AADAT: variants seen among roughly 807,000 people sequenced by gnomAD.
The protein encoded by AADAT is kynurenine/alpha-aminoadipate aminotransferase, mitochondrial.
A neutral mutation model predicts 56.2 loss-of-function variants in AADAT; 25 were observed. The observed-to-expected ratio is 0.44, with a 90% CI of 0.32 to 0.62. The LOEUF (loss-of-function observed/expected upper bound fraction) is 0.62. Ranked by LOEUF, AADAT falls within the 20% of genes least tolerant of loss-of-function variation. The pLI is 0.04. For synonymous variants in AADAT, 173 were observed against 164.7 expected (o/e 1.05, Z -0.39); for missense variants, 387 against 510.5 (o/e 0.76, Z 2.33).
At position 170,067,482 on chromosome 4, in the gene AADAT, A is replaced by G; in HGVS notation, c.901-94T>C. The G allele has an allele frequency of 3.3e-6, 3 of 905,922 alleles. No homozygotes were observed. In the South Asian group the frequency reaches 4.5e-5, roughly 14 times the overall value. The allele number at this position is 905,922 out of a possible 1,614,324, so 56.1% of individuals were successfully genotyped here. ...GCAACTCACTTTTGATTACATGTAA[A>G]CCACAATAAGATATAACAAGCTGAG... On this transcript the variant is annotated intron_variant, in intron 8 of 12. Coordinates refer to ENST00000337664, the MANE Select transcript of AADAT (RefSeq NM_016228.4).
At position 170,061,872 on chromosome 4, in the gene AADAT, G is replaced by T. The variant is rs1273300571; in HGVS notation, c.1236+20C>A. 4 of 1,566,886 alleles carry T rather than the reference G, an allele frequency of 2.6e-6. No individual in the cohort carries two copies. The highest frequency in any genetic ancestry group is 3.5e-6 in the Non-Finnish European group (4 of 1,143,614). ...CAGAACTGCTAGCTAGTGTTACTCT[G>T]AGGAGAATACTACACTCACCACATC... On this transcript the variant is annotated intron_variant, in intron 12 of 12. Coordinates refer to ENST00000337664, the MANE Select transcript of AADAT (RefSeq NM_016228.4).
chr4:170,087,231 G>A lies in AADAT; in HGVS notation c.254C>T (p.Ser85Phe), dbSNP rs1362163974. 1 of 1,611,568 alleles carries A rather than the reference G, an allele frequency of 6.2e-7. No individual in the cohort carries two copies. The highest frequency in any genetic ancestry group is 1.1e-5 in the South Asian group (1 of 90,074). The change falls in exon 3 of 13, where the codon TCC (serine) becomes TTC (phenylalanine). Residue 85 changes from serine (S) to phenylalanine (F), a missense_variant. Physicochemically the swap from Ser to Phe is radical, Grantham distance 155. Transcript: ENST00000337664. The part of the protein sequence containing the change: ...SPSAGIPELL[S>F]WLKQLQIKLH... ...TTTTATTTGTAACTGTTTTAGCCAG[G>A]ACAAAAGCTCTGGAATTCTAAAGCA...
At chr4:170,088,058 A>C (rs1350723888) in intron 2 of AADAT, among the ~76,000 whole-genome samples, 3 of 151,006 alleles carry the variant, frequency 2.0e-5, no homozygotes, top group Non-Finnish European at 3.0e-5. Context: ...ACATCTTCTC[A>C]TTTTTTTGGA....
At chr4:170,087,610 A>G (rs139708453) in intron 2 of AADAT, among the ~76,000 whole-genome samples, 9 of 152,298 alleles carry the variant, frequency 5.9e-5, no homozygotes, top group Non-Finnish European at 1.0e-4. Flanking sequence ...TTCAGACTCA[A>G]TAAGTTGTTT....
intron 3 of AADAT, among the ~76,000 whole-genome samples, chr4:170,081,970 G>T (rs1208095909): frequency 1.3e-5 from 2 of 152,128 alleles, no homozygotes; most frequent in Non-Finnish European, 2.9e-5. Flanking sequence ...AACTAAAGCC[G>T]AGAGAATTTA....
chr4:170,092,682 C>T (rs2955256), upstream of AADAT, among the ~76,000 whole-genome samples: 55,450 of 152,156 alleles, frequency 0.36, 10,479 homozygotes, highest in East Asian at 0.69. Context: ...AGCTGGGTGT[C>T]TTTGGACAAG....
upstream of AADAT, among the ~76,000 whole-genome samples, chr4:170,092,927 G>A (rs1035985545): frequency 6.6e-6 from 1 of 152,228 alleles, no homozygotes; most frequent in Non-Finnish European, 1.5e-5. Flanking sequence ...CATGCACACA[G>A]ATCCTTATGT....
Position 170,060,892 on chromosome 4 carries a change from G to C in AADAT, c.*36C>G, listed in dbSNP as rs1731158013. ...TGCCTCCCAAAGTGCTGGGATTATA[G>C]GTGTGAGCCACCATGCCCAACCTAG... On this transcript the variant is annotated 3_prime_UTR_variant, in exon 13 of 13. Coordinates refer to ENST00000337664, the MANE Select transcript of AADAT (RefSeq NM_016228.4). 4 of 1,515,996 alleles carry C rather than the reference G, an allele frequency of 2.6e-6. No homozygotes were observed. Among genetic ancestry groups the C allele is most frequent in the African/African-American group, 2.8e-5 (2 of 71,750 alleles). 93.9% of individuals were successfully genotyped at this position (1,515,996 alleles called of 1,614,324 possible).
At chr4:170,079,053 C>T (rs1320817166) in intron 3 of AADAT, among the ~76,000 whole-genome samples, 1 of 152,128 alleles carries the variant, frequency 6.6e-6, no homozygotes, top group East Asian at 1.9e-4. Context: ...TTCTTACTCT[C>T]ATGGAGCTAC....
intron 3 of AADAT, among the ~76,000 whole-genome samples, chr4:170,079,048 A>G (rs908767639): frequency 3.9e-5 from 6 of 152,138 alleles, no homozygotes; most frequent in African/African-American, 1.4e-4. Flanking sequence ...CATGGTTCTT[A>G]CTCTCATGGA....
intron 4 of AADAT, among the ~76,000 whole-genome samples, chr4:170,075,241 T>C (rs906930948): frequency 2.0e-5 from 3 of 152,228 alleles, no homozygotes; most frequent in African/African-American, 7.2e-5. Context: ...TCTTAGGAGT[T>C]TAGGAAAACA....
chr4:170,084,334 T>C (rs1732453326), intron 3 of AADAT, among the ~76,000 whole-genome samples: 1 of 152,212 alleles, frequency 6.6e-6, no homozygotes, highest in Non-Finnish European at 1.5e-5. Flanking sequence ...AAATCTTATA[T>C]GTGTATTTTA....
chr4:170,070,630 A>G lies in AADAT; in HGVS notation c.677T>C (p.Leu226Pro). 2 of 1,579,164 alleles carry G rather than the reference A, an allele frequency of 1.3e-6. No homozygotes were observed. Among genetic ancestry groups the G allele is most frequent in the Non-Finnish European group, 1.7e-6 (2 of 1,153,968 alleles). The change falls in exon 6 of 13, where the codon CTC becomes CCC. Residue 226 changes from leucine to proline, a missense_variant. Transcript: ENST00000337664. Reference sequence around the variant, plus strand: ...ATAGTAAGGATCATCTTCTATTATGAGGAAATCATATTTTCTTGCAAGCTA... The same window carrying G: ...ATAGTAAGGATCATCTTCTATTATGGGGAAATCATATTTTCTTGCAAGCTA... ...IYELARKYDF[L>P]IIEDDPYYFL...
chr4:170,074,718 C>T (rs112916457), intron 4 of AADAT, among the ~76,000 whole-genome samples: 6,887 of 151,854 alleles, frequency 0.045, 208 homozygotes, highest in Non-Finnish European at 0.069. Flanking sequence ...AGGGTAGTGG[C>T]GGGACACTGA....
Position 170,064,742 on chromosome 4 carries a change from CA to C in AADAT, c.1110del (p.Ile370MetfsTer11). On this transcript the variant is annotated frameshift_variant, in exon 11 of 13. Transcript: ENST00000337664. LOFTEE classifies it high-confidence loss of function. ...VKGINDVKEL[I>X]EEKAVKMGVL... ...ACCCCCATCTTAACGGCCTTTTCTTCAATCAGTTCTTTTACATCATTAATGC... is the reference window on the plus strand; with the variant it reads ...ACCCCCATCTTAACGGCCTTTTCTTCATCAGTTCTTTTACATCATTAATGC... 1 of 1,608,710 alleles carries C rather than the reference CA, an allele frequency of 6.2e-7. No individual in the cohort carries two copies. Among genetic ancestry groups the C allele is most frequent in the Non-Finnish European group, 8.5e-7 (1 of 1,178,902 alleles).
At chr4:170,071,255 TGAGGGAGA>T (rs1156516641) in intron 5 of AADAT, among the ~76,000 whole-genome samples, 2 of 151,806 alleles carry the variant, frequency 1.3e-5, no homozygotes, top group Non-Finnish European at 2.9e-5. Context: ...TTACAACAGG[TGAGGGAGA>T]GAGTGACAGG....
chr4:170,089,673 G>A lies in AADAT; in HGVS notation c.18C>T (p.Phe6=). The A allele has an allele frequency of 1.2e-6, 2 of 1,614,182 alleles. No homozygotes were observed. The highest frequency in any genetic ancestry group is 1.7e-6 in the Non-Finnish European group (2 of 1,180,038). The part of the protein sequence containing the change: MNYAR[F]ITAASAARNP... ...TTCTGGCTGCGCTCGCTGCCGTGAT[G>A]AACCGTGCGTAATTCATGTCTTCTG... Residue 6 remains phenylalanine (F), a synonymous_variant, in exon 1 of 13, where the codon TTC becomes TTT. Coordinates refer to ENST00000337664, the MANE Select transcript of AADAT (RefSeq NM_016228.4).
At chr4:170,087,590 T>C (rs1410866275) in intron 2 of AADAT, among the ~76,000 whole-genome samples, 1 of 152,194 alleles carries the variant, frequency 6.6e-6, no homozygotes, top group Non-Finnish European at 1.5e-5. Flanking sequence ...GTTCTATGGC[T>C]ACCTAGAAGT....
upstream of AADAT, among the ~76,000 whole-genome samples, chr4:170,092,768 A>C (rs1732905629): frequency 6.6e-6 from 1 of 152,236 alleles, no homozygotes; most frequent in Non-Finnish European, 1.5e-5. Flanking sequence ...GTGTTAAACT[A>C]ATCAGTGCAG....
Sources: allele counts gnomAD v4.1 joint callset (sites outside exome capture counted in the v4.1 genomes callset), GRCh38; gene constraint gnomAD v4.1.1; transcripts MANE v1.5; gene names NCBI Gene and HGNC (gene_info 2026-07-23, HGNC 2026-07-21).